The following TENM4 variants were observed in gnomAD, a reference collection of about 807,000 sequenced individuals.
TENM4 encodes teneurin transmembrane protein 4.
Under a neutral mutation model 243.3 loss-of-function variants are expected in TENM4, and 82 were observed. That is an observed-to-expected ratio of 0.34 (90% CI 0.28 to 0.40). TENM4 has a LOEUF of 0.40. Ranked by LOEUF, TENM4 falls within the 10% of genes least tolerant of loss-of-function variation. The pLI, the probability that TENM4 is intolerant of heterozygous loss-of-function variation, is 1.00. For missense variants in TENM4, 3,138 were observed against 3,673.3 expected, an observed-to-expected ratio of 0.85 and a Z score of 3.77; for synonymous variants, 1,412 against 1,456.3, an observed-to-expected ratio of 0.97 and a Z score of 0.69.
At chr11:79,153,695 C>T (rs1315297159) in intron 3 of TENM4, among the ~76,000 whole-genome samples, 1 of 152,194 alleles carries the variant, frequency 6.6e-6, no homozygotes, top group Non-Finnish European at 1.5e-5. Flanking sequence ...ATGTACGAGG[C>T]ACAGTGCTGG....
intron 28 of TENM4, among the ~76,000 whole-genome samples, chr11:78,696,293 C>T (rs1006148168): frequency 1.1e-4 from 17 of 152,060 alleles, no homozygotes; most frequent in Non-Finnish European, 1.8e-4. Flanking sequence ...GCACATTGTT[C>T]GCCTTTTCCA....
At chr11:79,302,737 G>T (rs367692278) in intron 1 of TENM4, among the ~76,000 whole-genome samples, 2 of 152,176 alleles carry the variant, frequency 1.3e-5, no homozygotes, top group South Asian at 2.1e-4. Context: ...CGAATTAACT[G>T]AAATTGTATT....
At chr11:78,750,682 T>C (rs1856168008) in intron 19 of TENM4, among the ~76,000 whole-genome samples, 1 of 152,200 alleles carries the variant, frequency 6.6e-6, no homozygotes, top group South Asian at 2.1e-4. Flanking sequence ...GCTAATTCAT[T>C]GATTTATTCT....
At chr11:78,882,287 A>G (rs1347502834) in intron 9 of TENM4, among the ~76,000 whole-genome samples, 3 of 152,288 alleles carry the variant, frequency 2.0e-5, no homozygotes, top group Non-Finnish European at 2.9e-5. Flanking sequence ...TCTATCTGTA[A>G]TTCTTTCTCT....
intron 26 of TENM4, among the ~76,000 whole-genome samples, chr11:78,711,779 G>A (rs1319469572): frequency 6.6e-6 from 1 of 152,128 alleles, no homozygotes; most frequent in East Asian, 1.9e-4. Context: ...GTCTCTCTTG[G>A]CTCTAAACCC....
At chr11:78,843,604 G>A (rs1043993133) in intron 12 of TENM4, among the ~76,000 whole-genome samples, 4 of 152,198 alleles carry the variant, frequency 2.6e-5, no homozygotes, top group African/African-American at 9.6e-5. Context: ...TAGTTCCAGA[G>A]AAGAATTTGT....
chr11:78,685,192 CAT>C (rs770153552), intron 29 of TENM4, among the ~76,000 whole-genome samples: 1 of 152,242 alleles, frequency 6.6e-6, no homozygotes, highest in African/African-American at 2.4e-5. Flanking sequence ...GCTGAATCCA[CAT>C]ATGTCCATTA....
intron 4 of TENM4, among the ~76,000 whole-genome samples, chr11:79,087,648 A>G (rs1398030473): frequency 6.6e-6 from 1 of 152,200 alleles, no homozygotes; most frequent in African/African-American, 2.4e-5. Flanking sequence ...GAGGGATGTT[A>G]GCTCTGAGCT....
chr11:79,013,276 G>A (rs924313269), intron 6 of TENM4, among the ~76,000 whole-genome samples: 3 of 152,140 alleles, frequency 2.0e-5, no homozygotes, highest in Admixed American at 6.5e-5. Flanking sequence ...TCCTTGCAAC[G>A]TCTTCTCAGG....
intron 10 of TENM4, among the ~76,000 whole-genome samples, chr11:78,858,558 A>G (rs1244813524): frequency 1.3e-5 from 2 of 152,114 alleles, no homozygotes; most frequent in Non-Finnish European, 2.9e-5. Flanking sequence ...GAGGGTTGGG[A>G]AAGTGAAATG....
intron 18 of TENM4, among the ~76,000 whole-genome samples, chr11:78,769,004 G>A (rs1184701533): frequency 1.3e-5 from 2 of 152,182 alleles, no homozygotes; most frequent in African/African-American, 2.4e-5. Flanking sequence ...AGGGAGAGAG[G>A]TACGCCCTTT....
At chr11:79,142,056 C>G (rs1477968624) in intron 4 of TENM4, among the ~76,000 whole-genome samples, 1 of 151,968 alleles carries the variant, frequency 6.6e-6, no homozygotes, top group African/African-American at 2.4e-5. Context: ...AAACTAAAAG[C>G]CTTTCCTCTA....
At chr11:79,262,362 A>C (rs1263178357) in intron 2 of TENM4, among the ~76,000 whole-genome samples, 1 of 152,100 alleles carries the variant, frequency 6.6e-6, no homozygotes, top group Admixed American at 6.5e-5. Context: ...TTGGTCTGAC[A>C]CTCCAATCTG....
intron 28 of TENM4, among the ~76,000 whole-genome samples, chr11:78,696,985 G>A (rs974184533): frequency 2.0e-5 from 3 of 152,194 alleles, no homozygotes; most frequent in Middle Eastern, 3.2e-3. Context: ...GATGGAAGAT[G>A]AGGTGAGCAG....
At chr11:79,311,722 C>A (rs1203135875) in intron 1 of TENM4, among the ~76,000 whole-genome samples, 2 of 152,140 alleles carry the variant, frequency 1.3e-5, no homozygotes, top group African/African-American at 4.8e-5. Context: ...CACACGTCTG[C>A]TCACCCTTCT....
At chr11:79,410,024 A>G (rs1858664866) in intron 1 of TENM4, among the ~76,000 whole-genome samples, 1 of 152,142 alleles carries the variant, frequency 6.6e-6, no homozygotes, top group African/African-American at 2.4e-5. Flanking sequence ...AAATACACTA[A>G]AATGATAGCT....
Position 78,688,166 on chromosome 11 carries a change from G to T in TENM4, c.5148C>A (p.Phe1716Leu). 6.2e-7 allele frequency: 1 copy of T among 1,613,890 alleles called. No homozygotes were observed. The highest frequency in any genetic ancestry group is 8.5e-7 in the Non-Finnish European group (1 of 1,179,848). Reference protein sequence around the residue: ...VTFPTGQVSSFRSDTDSSVHV... With the variant: ...VTFPTGQVSSLRSDTDSSVHV... Reference sequence around the variant, plus strand: ...GCACTGAACTGTCTGTATCACTTCGGAAACTGCTCACCTGGCCAGTAGGGA... The same window carrying T: ...GCACTGAACTGTCTGTATCACTTCGTAAACTGCTCACCTGGCCAGTAGGGA... Residue 1716 changes from phenylalanine (F) to leucine (L), a missense_variant, in exon 29 of 34, where the codon TTC becomes TTA. Around this residue, in one of 2 missense-constraint regions of TENM4, gnomAD observed 2,467 missense variants for 3,059.1 expected, o/e 0.81. Transcript: ENST00000278550.
At chr11:79,309,243 C>T (rs1157819907) in intron 1 of TENM4, among the ~76,000 whole-genome samples, 3 of 152,220 alleles carry the variant, frequency 2.0e-5, no homozygotes, top group Admixed American at 6.5e-5. Context: ...AGCCCCAAAA[C>T]ATATCTATAT....
intron 3 of TENM4, among the ~76,000 whole-genome samples, chr11:79,189,873 A>C (rs2135159303): frequency 6.6e-6 from 1 of 152,122 alleles, no homozygotes; most frequent in South Asian, 2.1e-4. Context: ...TGATGGCCCC[A>C]CTCCTGTTGT....
Sources: allele counts gnomAD v4.1 joint callset (sites outside exome capture counted in the v4.1 genomes callset), GRCh38; gene constraint gnomAD v4.1.1; regional missense constraint gnomAD v4.1.1; transcripts MANE v1.5; gene names NCBI Gene and HGNC (gene_info 2026-07-23, HGNC 2026-07-21).